The following IL1RAPL2 variants were observed in gnomAD, a reference collection of about 807,000 sequenced individuals.
IL1RAPL2 encodes the protein X-linked interleukin-1 receptor accessory protein-like 2.
IL1RAPL2 carries 3 observed loss-of-function variants against 44.1 expected under a neutral mutation model. That is an observed-to-expected ratio of 0.07 (90% CI 0.03 to 0.18). The LOEUF (loss-of-function observed/expected upper bound fraction) is 0.18. Ranked by LOEUF, IL1RAPL2 falls within the 10% of genes least tolerant of loss-of-function variation. IL1RAPL2 has a pLI of 1.00. For synonymous variants in IL1RAPL2, 181 were observed against 178.8 expected, an observed-to-expected ratio of 1.01 and a Z score of -0.10; for missense variants, 391 against 496.4, an observed-to-expected ratio of 0.79 and a Z score of 2.02.
At chrX:104,865,953 A>C in intron 2 of IL1RAPL2, among the ~76,000 whole-genome samples, 1 of 112,269 alleles carries the variant, frequency 8.9e-6, no homozygotes, top group Admixed American at 9.4e-5. Flanking sequence ...ACTCCCCTTC[A>C]TATATACATA....
chrX:104,871,348 A>G (rs1366213463), intron 2 of IL1RAPL2, among the ~76,000 whole-genome samples: 1 of 111,709 alleles, frequency 9.0e-6, no homozygotes, highest in African/African-American at 3.2e-5. Flanking sequence ...TCCAAATGAC[A>G]TATTTTTCTA....
chrX:104,942,956 T>C (rs1298638430), intron 2 of IL1RAPL2, among the ~76,000 whole-genome samples: 1 of 111,770 alleles, frequency 8.9e-6, no homozygotes, highest in Admixed American at 9.5e-5. Flanking sequence ...GATAATCATG[T>C]GGTTTTTGTC....
chrX:104,952,348 C>G lies in IL1RAPL2; in HGVS notation c.83-243127C>G, dbSNP rs968940211. On this transcript the variant is annotated intron_variant, in intron 2 of 10. Transcript: ENST00000372582. ...ATGAGCTTTGCATGAAAAACTTGCA[C>G]GAGGCCAAAATAGCATGCCTCAAGC... Among the ~76,000 whole-genome samples, 3 of 111,685 alleles carry G rather than the reference C, an allele frequency of 2.7e-5. No individual in the cohort carries two copies. The Admixed American group carries it at 2.9e-4, about 11-fold the overall frequency.
At chrX:105,469,015 A>G (rs1309704417) in intron 5 of IL1RAPL2, among the ~76,000 whole-genome samples, 1 of 111,886 alleles carries the variant, frequency 8.9e-6, no homozygotes, top group African/African-American at 3.2e-5. Flanking sequence ...TTAGAATTTT[A>G]TTTGGCTGAG....
At chrX:104,689,107 A>G (rs192384702) in intron 2 of IL1RAPL2, among the ~76,000 whole-genome samples, 23 of 111,999 alleles carry the variant, frequency 2.1e-4, no homozygotes, top group African/African-American at 7.1e-4. Flanking sequence ...ACGTATAAGT[A>G]CACGCTAAAT....
At chrX:104,919,989 A>G (rs937386225) in intron 2 of IL1RAPL2, among the ~76,000 whole-genome samples, 1 of 111,426 alleles carries the variant, frequency 9.0e-6, no homozygotes, top group Non-Finnish European at 1.9e-5. Flanking sequence ...CTGAGGCATA[A>G]GAGGCCATTG....
At chrX:105,392,114 G>T (rs1225526468) in intron 5 of IL1RAPL2, among the ~76,000 whole-genome samples, 1 of 107,682 alleles carries the variant, frequency 9.3e-6, no homozygotes, top group Non-Finnish European at 1.9e-5. Context: ...CCTGCATGTT[G>T]TGCACATGTA....
chrX:105,333,713 A>G (rs1325149470), intron 5 of IL1RAPL2, among the ~76,000 whole-genome samples: 1 of 111,565 alleles, frequency 9.0e-6, no homozygotes, highest in Non-Finnish European at 1.9e-5. Context: ...AAATATTGGA[A>G]TAGACATTTC....
chrX:105,086,798 T>TA (rs1306394706), intron 2 of IL1RAPL2, among the ~76,000 whole-genome samples: 1 of 109,967 alleles, frequency 9.1e-6, no homozygotes, highest in African/African-American at 3.3e-5. Context: ...AATAAATAAT[T>TA]AAAAAATAAA....
chrX:104,947,662 A>G (rs1318629920), intron 2 of IL1RAPL2, among the ~76,000 whole-genome samples: 1 of 109,564 alleles, frequency 9.1e-6, no homozygotes, highest in Non-Finnish European at 1.9e-5. Context: ...AGCACCATTT[A>G]TTAAATAGGG....
intron 2 of IL1RAPL2, among the ~76,000 whole-genome samples, chrX:105,122,972 C>T (rs1344501801): frequency 9.0e-6 from 1 of 111,231 alleles, no homozygotes; most frequent in African/African-American, 3.3e-5. Flanking sequence ...TGAGGCTTTC[C>T]TGAAATTGTA....
At chrX:105,030,690 G>A (rs1226791920) in intron 2 of IL1RAPL2, among the ~76,000 whole-genome samples, 1 of 111,558 alleles carries the variant, frequency 9.0e-6, no homozygotes. Context: ...GATGCCTCCG[G>A]CTTTGTTCTT....
At chrX:105,088,772 G>A (rs2032507548) in intron 2 of IL1RAPL2, among the ~76,000 whole-genome samples, 2 of 110,980 alleles carry the variant, frequency 1.8e-5, no homozygotes, top group Admixed American at 1.9e-4. Flanking sequence ...AATAAAGTAG[G>A]TAATAAAAAA....
chrX:104,633,500 T>C (rs1299750556), intron 1 of IL1RAPL2, among the ~76,000 whole-genome samples: 9 of 111,938 alleles, frequency 8.0e-5, no homozygotes, highest in Non-Finnish European at 9.4e-5. Context: ...AAGCTGTTAA[T>C]TATTGCCTCA....
chrX:104,948,468 G>T (rs1486639298), intron 2 of IL1RAPL2, among the ~76,000 whole-genome samples: 17 of 96,064 alleles, frequency 1.8e-4, no homozygotes, highest in South Asian at 6.1e-4. Context: ...AATAGGAGTG[G>T]TGAGAGAGGG....
At chrX:105,589,148 C>A (rs1255932479) in intron 6 of IL1RAPL2, among the ~76,000 whole-genome samples, 7 of 112,098 alleles carry the variant, frequency 6.2e-5, no homozygotes, top group Non-Finnish European at 1.3e-4. Context: ...TGATGTTGAG[C>A]ATTTTTTCAT....
chrX:105,459,332 A>C (rs1345386678), intron 5 of IL1RAPL2, among the ~76,000 whole-genome samples: 1 of 110,962 alleles, frequency 9.0e-6, no homozygotes, highest in Non-Finnish European at 1.9e-5. Flanking sequence ...CTGTGTATTA[A>C]TATTTCTCTC....
chrX:104,733,604 C>T (rs191558757), intron 2 of IL1RAPL2, among the ~76,000 whole-genome samples: 1 of 95,059 alleles, frequency 1.1e-5, no homozygotes, highest in Non-Finnish European at 2.1e-5. Context: ...TGAGTGACAG[C>T]GAGACTCTGT....
intron 2 of IL1RAPL2, among the ~76,000 whole-genome samples, chrX:104,860,194 T>C (rs1205368371): frequency 8.9e-6 from 1 of 111,869 alleles, no homozygotes; most frequent in African/African-American, 3.2e-5. Context: ...AGACTGAGGC[T>C]GAATAAAGGC....
Sources: gnomAD v4.1 joint callset for allele counts (sites outside exome capture counted in the v4.1 genomes callset) on GRCh38, gnomAD v4.1.1 for gene constraint, MANE v1.5 for transcripts, NCBI Gene and HGNC (gene_info 2026-07-23, HGNC 2026-07-21) for gene names.